The following TENM2 variants were observed in gnomAD, a reference collection of about 807,000 sequenced individuals.
TENM2 encodes teneurin transmembrane protein 2.
A neutral mutation model predicts 245.2 loss-of-function variants in TENM2; 52 were observed. The observed-to-expected ratio is 0.21, with a 90% CI of 0.17 to 0.27. The LOEUF is 0.27. Ranked by LOEUF, TENM2 falls within the 10% of genes least tolerant of loss-of-function variation. The pLI, the probability that TENM2 is intolerant of heterozygous loss-of-function variation, is 1.00. For missense variants in TENM2, 3,046 were observed against 3,666.8 expected (o/e 0.83, Z 4.37); for synonymous variants, 1,363 against 1,438.9 (o/e 0.95, Z 1.19).
intron 25 of TENM2, among the ~76,000 whole-genome samples, chr5:168,238,304 A>AGAAAAGAAAAGAAAAG (rs1765794880): frequency 9.3e-6 from 1 of 107,356 alleles, no homozygotes; most frequent in Non-Finnish European, 1.9e-5. Flanking sequence ...GAAAAGAAAA[A>AGAAAAGAAAAGAAAAG]ATCCCAGAAG....
At chr5:168,073,520 C>G (rs542642916) in intron 7 of TENM2, among the ~76,000 whole-genome samples, 29 of 152,300 alleles carry the variant, frequency 1.9e-4, no homozygotes, top group Non-Finnish European at 4.4e-5. Context: ...ATACCTTTTC[C>G]TTTTAGAACA....
chr5:167,484,993 G>A (rs1004833716), intron 2 of TENM2, among the ~76,000 whole-genome samples: 1 of 152,338 alleles, frequency 6.6e-6, no homozygotes, highest in Non-Finnish European at 1.5e-5. Flanking sequence ...TTCGTGACCA[G>A]TATTCTGTGT....
intron 2 of TENM2, among the ~76,000 whole-genome samples, chr5:167,823,708 C>T (rs143175654): frequency 0.011 from 1,612 of 152,272 alleles, 112 homozygotes; most frequent in Admixed American, 0.092. Context: ...AGAGAAAAAT[C>T]GTTGTGACAG....
intron 5 of TENM2, among the ~76,000 whole-genome samples, chr5:168,014,787 G>A (rs73803827): frequency 1.4e-4 from 22 of 152,228 alleles, no homozygotes; most frequent in African/African-American, 5.3e-4. Flanking sequence ...GTTCCTGCCC[G>A]CAACCCCTGC....
intron 2 of TENM2, among the ~76,000 whole-genome samples, chr5:167,670,203 T>G (rs1755841842): frequency 6.6e-6 from 1 of 152,142 alleles, no homozygotes; most frequent in African/African-American, 2.4e-5. Flanking sequence ...TTTTAGATGT[T>G]TCACATCAAA....
At chr5:167,276,461 T>C in the TENM2 span, among the ~76,000 whole-genome samples, 1 of 151,898 alleles carries the variant, frequency 6.6e-6, no homozygotes, top group Non-Finnish European at 1.5e-5. Flanking sequence ...ATTCAAATGA[T>C]CTATTTAATA....
chr5:167,347,548 G>A (rs531076172), intron 1 of TENM2, among the ~76,000 whole-genome samples: 1 of 152,310 alleles, frequency 6.6e-6, no homozygotes, highest in South Asian at 2.1e-4. Flanking sequence ...TACTTTACTA[G>A]GTACTAGGGT....
exon 11 of TENM2, chr5:168,124,864 C>A (rs754463370): frequency 5.0e-6 from 8 of 1,611,352 alleles, no homozygotes; most frequent in Non-Finnish European, 6.8e-6. Context: ...TTGCTTGGAT[C>A]CCACCTGCTC....
At chr5:168,030,158 C>CTTTTTTTTTTTTTTTTTTTTTTT (rs540326142) in intron 5 of TENM2, among the ~76,000 whole-genome samples, 11 of 65,292 alleles carry the variant, frequency 1.7e-4, no homozygotes, top group East Asian at 1.8e-3. Flanking sequence ...GGTTCTGGCT[C>CTTTTTTTTTTTTTTTTTTTTTTT]TTTTTTTTTT....
chr5:167,854,609 C>T (rs1770897820), intron 2 of TENM2, among the ~76,000 whole-genome samples: 1 of 152,162 alleles, frequency 6.6e-6, no homozygotes, highest in Non-Finnish European at 1.5e-5. Flanking sequence ...GCCTATCTGT[C>T]TGAGAAGAGT....
chr5:167,696,087 A>T (rs1757750363), intron 2 of TENM2, among the ~76,000 whole-genome samples: 1 of 152,062 alleles, frequency 6.6e-6, no homozygotes. Flanking sequence ...TTACAAACAA[A>T]AATATTAAGT....
chr5:168,169,473 A>G (rs1443334461), intron 13 of TENM2, among the ~76,000 whole-genome samples: 1 of 152,196 alleles, frequency 6.6e-6, no homozygotes, highest in East Asian at 1.9e-4. Flanking sequence ...AATGAGGAGA[A>G]ATAACACTGG....
chr5:168,215,219 C>G, exon 21 of TENM2: 2 of 1,613,828 alleles, frequency 1.2e-6, no homozygotes, highest in Non-Finnish European at 1.7e-6. Flanking sequence ...TTTGATGAAG[C>G]CCGCTGCGGG....
chr5:167,839,975 G>A (rs528257535), intron 2 of TENM2, among the ~76,000 whole-genome samples: 31 of 152,140 alleles, frequency 2.0e-4, no homozygotes, highest in South Asian at 2.1e-4. Flanking sequence ...GCGCCACCAC[G>A]CCCTGCTAAA....
At chr5:168,161,243 G>A (rs2152448208) in intron 12 of TENM2, among the ~76,000 whole-genome samples, 1 of 152,146 alleles carries the variant, frequency 6.6e-6, no homozygotes, top group South Asian at 2.1e-4. Context: ...CTCTGCCATG[G>A]CCCAATCCAG....
At chr5:168,124,813 A>G (rs1399047615) in intron 10 of TENM2, 37 bp from the exon 13 acceptor site, 2 of 1,558,632 alleles carry the variant, frequency 1.3e-6, no homozygotes, top group Non-Finnish European at 1.7e-6. Context: ...GGTGATTAAT[A>G]CTTTTATTCT....
chr5:167,577,913 A>G (rs868189655), intron 2 of TENM2, among the ~76,000 whole-genome samples: 1 of 152,264 alleles, frequency 6.6e-6, no homozygotes, highest in South Asian at 2.1e-4. Context: ...CAGGGGAGAA[A>G]AGGTCGCTGC....
At chr5:167,807,803 T>A (rs1372897001) in intron 2 of TENM2, among the ~76,000 whole-genome samples, 2 of 152,060 alleles carry the variant, frequency 1.3e-5, no homozygotes, top group African/African-American at 4.8e-5. Context: ...GAGCAGTGGT[T>A]TCTAAATTTG....
At chr5:167,627,183 A>T (rs552906937) in intron 2 of TENM2, among the ~76,000 whole-genome samples, 2 of 152,326 alleles carry the variant, frequency 1.3e-5, no homozygotes, top group African/African-American at 4.8e-5. Flanking sequence ...TAATGAATTA[A>T]TCCATAGATA....
Sources: allele counts gnomAD v4.1 joint callset (sites outside exome capture counted in the v4.1 genomes callset), GRCh38; gene constraint gnomAD v4.1.1; transcripts MANE v1.5; gene names NCBI Gene and HGNC (gene_info 2026-07-23, HGNC 2026-07-21).